TAF1D: variants seen among roughly 807,000 people sequenced by gnomAD.
TAF1D encodes TATA-box binding protein associated factor, RNA polymerase I subunit D.
Under a neutral mutation model 26.2 loss-of-function variants are expected in TAF1D, and 23 were observed. That is an observed-to-expected ratio of 0.88 (90% CI 0.63 to 1.25). The LOEUF (loss-of-function observed/expected upper bound fraction) is 1.25, where lower values mean the gene tolerates loss of function less well. TAF1D is among the 50% of genes most tolerant of loss of function. The pLI is 0.00. For synonymous variants in TAF1D, 100 were observed against 105.6 expected (o/e 0.95, Z 0.33); for missense variants, 299 against 322.0 (o/e 0.93, Z 0.55).
In TAF1D at chr11:93,735,630, T is replaced by C. The variant is rs887873551; in HGVS notation, c.*531A>G. On this transcript the variant is annotated 3_prime_UTR_variant, in exon 6 of 6. Coordinates refer to ENST00000448108, the MANE Select transcript of TAF1D (RefSeq NM_024116.4). ...TTGCAGTAAGCCAAGACTGCGGCCATTGCACTACAGCCTGGGTGACAGATC... is the reference window on the plus strand; with the variant it reads ...TTGCAGTAAGCCAAGACTGCGGCCACTGCACTACAGCCTGGGTGACAGATC... 4.2e-6 allele frequency: 4 copies of C among 950,070 alleles called. No individual in the cohort carries two copies. The highest frequency in any genetic ancestry group is 4.5e-5 in the South Asian group (1 of 22,438). The allele number at this position is 950,070 out of a possible 1,614,324, so 58.9% of individuals were successfully genotyped here. A position where few individuals can be genotyped will look rare whatever the true frequency, so the allele number is the denominator to read the frequency against.
rs571146220 is a variant in TAF1D, at chr11:93,741,431, T to C, written c.-137A>G. 73 of 455,956 alleles carry C rather than the reference T, an allele frequency of 1.6e-4. No homozygotes were observed. Among genetic ancestry groups the C allele is most frequent in the South Asian group, 6.0e-4 (39 of 64,568 alleles). The allele number at this position is 455,956 out of a possible 1,614,324, so 28.2% of individuals were successfully genotyped here. A position where few individuals can be genotyped will look rare whatever the true frequency, so the allele number is the denominator to read the frequency against. On this transcript the variant is annotated 5_prime_UTR_variant, in exon 1 of 6. Transcript: ENST00000448108. ...TCCTAGAGCTCTGTACACACCACCC[T>C]CCCGACCTCAGCCCTCCAACTCCCG...
chr11:93,730,235 C>G lies in TAF1D; in HGVS notation c.*1216G>C, dbSNP rs192059303. 36 of 1,551,112 alleles carry G rather than the reference C, an allele frequency of 2.3e-5. 1 individual carries two copies. The Admixed American group carries it at 4.5e-4, about 19-fold the overall frequency. ...AAATTTTTATTCCTTCCACAGAAAA[C>G]ACTAGAGAAACTTCGAGCCAAAAAT... On this transcript the variant is annotated 3_prime_UTR_variant and NMD_transcript_variant, in exon 12 of 12. Transcript: ENST00000323981.
At position 93,735,830 on chromosome 11, in the gene TAF1D, G is replaced by A; in HGVS notation, c.*331C>T. On this transcript the variant is annotated 3_prime_UTR_variant, in exon 6 of 6. Coordinates refer to ENST00000448108, the MANE Select transcript of TAF1D (RefSeq NM_024116.4). Reference sequence around the variant, plus strand: ...ATGGTTGGGTGTCAAGTTACTTTAAGATTTTCTTTTCAAAATTAAAATCAC... The same window carrying A: ...ATGGTTGGGTGTCAAGTTACTTTAAAATTTTCTTTTCAAAATTAAAATCAC... 9.3e-7 allele frequency: 1 copy of A among 1,073,050 alleles called. No homozygotes were observed. 66.5% of individuals were successfully genotyped at this position (1,073,050 alleles called of 1,614,324 possible).
chr11:93,730,337 CAAT>C, exon 12 of TAF1D: 1 of 1,135,606 alleles, frequency 8.8e-7, no homozygotes, highest in Non-Finnish European at 1.3e-6. Context: ...TATTTAAAGT[CAAT>C]AAATTGTTAT....
chr11:93,730,794 C>A (rs775367668), downstream of TAF1D: 3 of 412,574 alleles, frequency 7.3e-6, no homozygotes, highest in Non-Finnish European at 1.4e-5. Context: ...GTCCCTAGAA[C>A]GAGCCTGAGT....
downstream of TAF1D, chr11:93,733,245 T>A (rs1391509941): frequency 1.9e-6 from 1 of 519,174 alleles, no homozygotes; most frequent in Admixed American, 1.9e-5. Context: ...AGAATTAAGT[T>A]TTAGTTCATG....
At chr11:93,730,284 T>C (rs761849235) in exon 12 of TAF1D, 2 of 1,522,192 alleles carry the variant, frequency 1.3e-6, no homozygotes, top group South Asian at 2.4e-5. Flanking sequence ...CTAGAAATAG[T>C]GTAAAGGTTT....
At chr11:93,734,384 C>T (rs1391037592), downstream of TAF1D, 1 of 271,706 alleles carries the variant, frequency 3.7e-6, no homozygotes, top group Admixed American at 4.5e-5. Flanking sequence ...AGTAGGAAAT[C>T]CAAAGTTCTG....
In TAF1D at chr11:93,739,348, T is replaced by C; in HGVS notation, c.-27-17A>G. 6.4e-7 allele frequency: 1 copy of C among 1,561,302 alleles called. No homozygotes were observed. The highest frequency in any genetic ancestry group is 1.1e-5 in the South Asian group (1 of 88,166). On this transcript the variant is annotated splice_polypyrimidine_tract_variant and intron_variant, in intron 1 of 5. Coordinates refer to ENST00000448108, the MANE Select transcript of TAF1D (RefSeq NM_024116.4). ...AACAGTTTTCTGAAATTATGAAATT[T>C]AGTAAATATGACAAAGCTTCCCTAA... is the stretch of plus-strand genomic sequence containing the variant.
In TAF1D at chr11:93,738,506, A is replaced by T; in HGVS notation, c.69-7T>A. On this transcript the variant is annotated splice_polypyrimidine_tract_variant and splice_region_variant and intron_variant, in intron 2 of 5. Transcript: ENST00000448108. Reference sequence around the variant, plus strand: ...GCTATCAGAAGAGTTATCACTAGAAAAATGGGAAAAAAATTAATTTCATCT... The same window carrying T: ...GCTATCAGAAGAGTTATCACTAGAATAATGGGAAAAAAATTAATTTCATCT... 6.5e-7 allele frequency: 1 copy of T among 1,547,126 alleles called. No homozygotes were observed. The highest frequency in any genetic ancestry group is 8.7e-7 in the Non-Finnish European group (1 of 1,152,556).
At chr11:93,733,315 C>T (rs188951512), downstream of TAF1D, 7 of 519,044 alleles carry the variant, frequency 1.3e-5, no homozygotes, top group East Asian at 3.8e-4. Flanking sequence ...ATCATTATTT[C>T]CCAAAAGATT....
chr11:93,737,114 T>C lies in TAF1D; in HGVS notation c.585A>G (p.Arg195=), dbSNP rs769099506. The part of the protein sequence containing the change: ...DLENEDFDSR[R]YKFLDDDGSI... Reference sequence around the variant, plus strand: ...ATCCATCATCATCCAAAAATTTGTATCTACGACTGTCAAAATCTTCATTTT... The same window carrying C: ...ATCCATCATCATCCAAAAATTTGTACCTACGACTGTCAAAATCTTCATTTT... The change falls in exon 4 of 6, where the codon AGA becomes AGG. Residue 195 remains arginine (R), a synonymous_variant. Coordinates refer to ENST00000448108, the MANE Select transcript of TAF1D (RefSeq NM_024116.4). 7.4e-6 allele frequency: 12 copies of C among 1,612,030 alleles called. No homozygotes were observed. Among genetic ancestry groups the C allele is most frequent in the Non-Finnish European group, 1.0e-5 (12 of 1,179,160 alleles).
chr11:93,741,081 C>A (rs1941934236), intron 1 of TAF1D, among the ~76,000 whole-genome samples: 1 of 152,240 alleles, frequency 6.6e-6, no homozygotes, highest in African/African-American at 2.4e-5. Context: ...TTGTCCGCAA[C>A]ACGATTTAAC....
chr11:93,732,170 CGAA>C (rs1565237243), downstream of TAF1D: 2 of 510,600 alleles, frequency 3.9e-6, no homozygotes, highest in Non-Finnish European at 7.8e-6. Context: ...TGTATTTGTA[CGAA>C]GTTCTTGTTA....
At chr11:93,731,216 C>T (rs974715750), downstream of TAF1D, 26 of 401,514 alleles carry the variant, frequency 6.5e-5, no homozygotes, top group Non-Finnish European at 4.8e-6. Flanking sequence ...TCAAAATTCA[C>T]CTGTGGAAAA....
At chr11:93,734,808 C>T, downstream of TAF1D, 1 of 1,201,614 alleles carries the variant, frequency 8.3e-7, no homozygotes, top group Non-Finnish European at 1.1e-6. Flanking sequence ...CAGGGTCTGT[C>T]TTTGTTACTC....
rs187522741 is a variant in TAF1D at position 93,740,544 on chromosome 11, T to C, written c.-28+778A>G. The stretch of plus-strand genomic sequence containing the variant: ...TTAGTCAATCTCTTGTCTCATTCTG[T>C]AGCTTCTTGGGACCTGACATGAGTC... On this transcript the variant is annotated intron_variant, in intron 1 of 5. Transcript: ENST00000448108. 9.2e-5 allele frequency among the ~76,000 whole-genome samples: 14 copies of C among 151,996 alleles called. No homozygotes were observed. The East Asian group carries it at 1.9e-3, about 21-fold the overall frequency.
downstream of TAF1D, chr11:93,731,821 GT>G (rs201715140): frequency 3.4e-5 from 12 of 355,530 alleles, no homozygotes; most frequent in East Asian, 8.8e-4. Flanking sequence ...ATTGTACAAA[GT>G]ACAGTTACAT....
intron 1 of TAF1D, among the ~76,000 whole-genome samples, chr11:93,741,064 G>A (rs1941927991): frequency 6.6e-6 from 1 of 152,300 alleles, no homozygotes; most frequent in Non-Finnish European, 1.5e-5. Context: ...ACGTAATAAG[G>A]TTAAACTTGT....
Sources: gnomAD v4.1 joint callset for allele counts (sites outside exome capture counted in the v4.1 genomes callset) on GRCh38, gnomAD v4.1.1 for gene constraint, MANE v1.5 for transcripts, NCBI Gene and HGNC (gene_info 2026-07-23, HGNC 2026-07-21) for gene names.